RGS19: variants seen among roughly 807,000 people sequenced by gnomAD.
RGS19 encodes the protein regulator of G protein signaling 19.
Under a neutral mutation model 22.0 loss-of-function variants are expected in RGS19, and 9 were observed. The observed-to-expected ratio is 0.41, with a 90% CI of 0.25 to 0.71. RGS19 has a LOEUF of 0.71. RGS19 is among the 30% of genes least tolerant of loss of function. RGS19 has a pLI of 0.32. For synonymous variants in RGS19, 130 were observed against 127.3 expected, an observed-to-expected ratio of 1.02 and a Z score of -0.14; for missense variants, 256 against 307.1, an observed-to-expected ratio of 0.83 and a Z score of 1.24.
Position 64,073,727 on chromosome 20 carries a change from C to G in RGS19, c.*126G>C. 1.2e-6 allele frequency: 1 copy of G among 815,298 alleles called. No individual in the cohort carries two copies. The highest frequency in any genetic ancestry group is 1.9e-6 in the Non-Finnish European group (1 of 528,306). 50.5% of individuals were successfully genotyped at this position (815,298 alleles called of 1,614,324 possible). Reference sequence around the variant, plus strand: ...ACAGCACTCCCCACTGGGTCTAGGACCGTCTCCGCGGGTGGGGACCCCAGC... The same window carrying G: ...ACAGCACTCCCCACTGGGTCTAGGAGCGTCTCCGCGGGTGGGGACCCCAGC... On this transcript the variant is annotated 3_prime_UTR_variant, in exon 6 of 6. Transcript: ENST00000395042.
chr20:64,073,849 C>T lies in RGS19; in HGVS notation c.*4G>A, dbSNP rs760804151. 8.9e-5 allele frequency: 143 copies of T among 1,601,670 alleles called. No homozygotes were observed. The highest frequency in any genetic ancestry group is 7.6e-4 in the Admixed American group (45 of 59,536). ...GCGGCGGGGTCTGTGCTGCTGGGGG[C>T]GGCCTAGGCCTCGGAGGAGGACTGT... On this transcript the variant is annotated 3_prime_UTR_variant, in exon 6 of 6. Transcript: ENST00000395042.
rs145585412 is a variant in RGS19, at chr20:64,073,976, G to A, written c.531C>T (p.Phe177=). ...TGTAGATCTGCAGCTGCGCGTCGTC[G>A]AACGTGTGTGCGGACGGCTCCTGCA... is the stretch of plus-strand genomic sequence containing the variant. ...KKMQEPSAHT[F]DDAQLQIYTL... The change falls in exon 6 of 6, where the codon TTC becomes TTT. Residue 177 remains phenylalanine (F), a synonymous_variant. Coordinates refer to ENST00000395042, the MANE Select transcript of RGS19 (RefSeq NM_005873.3). 3.0e-5 allele frequency: 47 copies of A among 1,553,106 alleles called. No individual in the cohort carries two copies. The highest frequency in any genetic ancestry group is 3.7e-5 in the Non-Finnish European group (42 of 1,147,634).
intron 3 of RGS19, 37 bp from the exon 4 acceptor site, chr20:64,074,578 A>G: frequency 6.6e-7 from 1 of 1,523,854 alleles, no homozygotes; most frequent in South Asian, 1.2e-5. Context: ...CCGTGGGCAC[A>G]CACGCCTCCA....
intron 5 of RGS19, 48 bp downstream of exon 5, chr20:64,074,096 T>C: frequency 6.2e-7 from 1 of 1,602,912 alleles, no homozygotes; most frequent in Non-Finnish European, 8.5e-7. Context: ...CTTCCCCACC[T>C]AGTGCCTGGA....
At chr20:64,076,677 A>G in intron 2 of RGS19, 31 bp from the exon 3 acceptor site, 2 of 1,575,934 alleles carry the variant, frequency 1.3e-6, no homozygotes, top group East Asian at 2.3e-5. Context: ...CTCAGCTTTC[A>G]GGTCAGAACC....
chr20:64,076,875 CG>C lies in RGS19; in HGVS notation c.11del (p.Pro4ArgfsTer91). On this transcript the variant is annotated frameshift_variant, in exon 2 of 6. Coordinates refer to ENST00000395042, the MANE Select transcript of RGS19 (RefSeq NM_005873.3). LOFTEE classifies it high-confidence loss of function. Reference sequence around the variant, plus strand: ...GGCATACCTGCTTCTCAGCCTCATGCGGGGTGGGCATGGGTGGGCGGAGGAG... The same window carrying C: ...GGCATACCTGCTTCTCAGCCTCATGCGGGTGGGCATGGGTGGGCGGAGGAG... MPT[P>X]HEAEKQITGP... The C allele has an allele frequency of 6.5e-7, 1 of 1,537,886 alleles. No individual in the cohort carries two copies. The highest frequency in any genetic ancestry group is 2.2e-5 in the Admixed American group (1 of 44,624).
In RGS19 at chr20:64,076,878, G is replaced by C. The variant is rs201688772; in HGVS notation, c.9C>G (p.Thr3=). 1.3e-6 allele frequency: 2 copies of C among 1,537,688 alleles called. No homozygotes were observed. Among genetic ancestry groups the C allele is most frequent in the East Asian group, 4.7e-5 (2 of 42,410 alleles). Residue 3 remains threonine, a synonymous_variant, in exon 2 of 6, where the codon ACC becomes ACG. Transcript: ENST00000395042. The part of the protein sequence containing the change: MP[T]PHEAEKQITG... ...ATACCTGCTTCTCAGCCTCATGCGGGGTGGGCATGGGTGGGCGGAGGAGGT... is the reference window on the plus strand; with the variant it reads ...ATACCTGCTTCTCAGCCTCATGCGGCGTGGGCATGGGTGGGCGGAGGAGGT...
intron 3 of RGS19, 33 bp from the exon 4 acceptor site, chr20:64,074,574 GCA>G: frequency 1.3e-6 from 2 of 1,532,222 alleles, no homozygotes; most frequent in Non-Finnish European, 1.8e-6. Flanking sequence ...GCTGCCGTGG[GCA>G]CACACGCCTC....
In RGS19 at chr20:64,075,951, G is replaced by A. The variant is rs1238074338; in HGVS notation, c.152+574C>T. Among the ~76,000 whole-genome samples the A allele has an allele frequency of 4.0e-5, 6 of 151,496 alleles. No individual in the cohort carries two copies. Among genetic ancestry groups the A allele is most frequent in the African/African-American group, 9.7e-5 (4 of 41,154 alleles). ...GGCTGGAGTGCAATGACGCGATCTC[G>A]GCTCAACGCAACCTCCGCCTCCCAG... On this transcript the variant is annotated intron_variant, in intron 3 of 5. Transcript: ENST00000395042. The surrounding 1 kb of genome is among the most constrained non-coding windows in gnomAD (Gnocchi z 4.6).
chr20:64,077,011 C>T lies in RGS19; in HGVS notation c.-68-57G>A, dbSNP rs552388772. 11 of 928,288 alleles carry T rather than the reference C, an allele frequency of 1.2e-5. No homozygotes were observed. The Admixed American group carries it at 1.8e-4, about 15-fold the overall frequency. The allele number at this position is 928,288 out of a possible 1,614,324, so 57.5% of individuals were successfully genotyped here. ...ACCTGAAACCCCAGCCCCTGCCTACCCCTTAGGAGGGGTCCTGAGAGGGTG... is the reference window on the plus strand; with the variant it reads ...ACCTGAAACCCCAGCCCCTGCCTACTCCTTAGGAGGGGTCCTGAGAGGGTG... On this transcript the variant is annotated intron_variant, in intron 1 of 5. Transcript: ENST00000395042.
intron 3 of RGS19, among the ~76,000 whole-genome samples, chr20:64,074,916 ACCT>A (rs1337209908): frequency 1.3e-5 from 2 of 151,958 alleles, no homozygotes; most frequent in East Asian, 3.9e-4. Context: ...CCACTGGGCA[ACCT>A]CCTCCACCCA....
chr20:64,077,462 A>T lies in RGS19; in HGVS notation c.-68-508T>A, dbSNP rs371952735. On this transcript the variant is annotated intron_variant, in intron 1 of 5. Coordinates refer to ENST00000395042, the MANE Select transcript of RGS19 (RefSeq NM_005873.3). The stretch of plus-strand genomic sequence containing the variant: ...GCCAGGGGCAGCAGGCTAGACCTGC[A>T]GCAGTGAGGATTTAAGTGGGACTCA... 2.4e-3 allele frequency among the ~76,000 whole-genome samples: 370 copies of T among 152,132 alleles called. 17 individuals carry two copies. In the South Asian group the frequency reaches 0.062, roughly 25 times the overall value.
At chr20:64,077,014 T>TCC in intron 1 of RGS19, 60 bp from the exon 2 acceptor site, 1 of 884,802 alleles carries the variant, frequency 1.1e-6, no homozygotes, top group Non-Finnish European at 1.6e-6. Context: ...TGCCTACCCC[T>TCC]TAGGAGGGGT....
At chr20:64,074,092 C>T in intron 5 of RGS19, 48 bp from the exon 6 acceptor site, 1 of 1,603,182 alleles carries the variant, frequency 6.2e-7, no homozygotes, top group Non-Finnish European at 8.5e-7. Context: ...CTGCCTTCCC[C>T]ACCTAGTGCC....
rs1048967904 is a variant in RGS19, at chr20:64,079,218, A to C, written c.-69+76T>G. On this transcript the variant is annotated intron_variant, in intron 1 of 5. Coordinates refer to ENST00000395042, the MANE Select transcript of RGS19 (RefSeq NM_005873.3). This position sits in a 1 kb window ranked among gnomAD's most constrained non-coding sequence, Gnocchi z 5.1. ...CTGCTGTTAGGGTCCAGTCTGGAGA[A>C]GCCTGTGTTCTCCTCCAGGTGCCTC... is the stretch of plus-strand genomic sequence containing the variant. 2.6e-5 allele frequency: 4 copies of C among 152,278 alleles called. No homozygotes were observed. Among genetic ancestry groups the C allele is most frequent in the African/African-American group, 9.7e-5 (4 of 41,446 alleles). The allele number at this position is 152,278 out of a possible 1,614,324, so 9.4% of individuals were successfully genotyped here.
rs572617315 is a variant in RGS19 at position 64,075,752 on chromosome 20, C to T, written c.152+773G>A. Among the ~76,000 whole-genome samples, 7 of 152,340 alleles carry T rather than the reference C, an allele frequency of 4.6e-5. No homozygotes were observed. In the East Asian group the frequency reaches 1.2e-3, roughly 25 times the overall value. ...CCGCCACCGCCCCCTGCTCTTCTTC[C>T]CCCACGCATGCTGTCCGGGAAGCTC... On this transcript the variant is annotated intron_variant, in intron 3 of 5. Coordinates refer to ENST00000395042, the MANE Select transcript of RGS19 (RefSeq NM_005873.3). This position sits in a 1 kb window ranked among gnomAD's most constrained non-coding sequence, Gnocchi z 4.6.
intron 3 of RGS19, among the ~76,000 whole-genome samples, chr20:64,074,874 C>T (rs557541508): frequency 2.0e-5 from 3 of 152,330 alleles, no homozygotes; most frequent in African/African-American, 4.8e-5. Context: ...AGGGGCCCTT[C>T]GGCTCCTGGT....
chr20:64,077,135 T>G (rs1291846856), intron 1 of RGS19, 181 bp from the exon 2 acceptor site: 1 of 418,422 alleles, frequency 2.4e-6, no homozygotes, highest in Non-Finnish European at 4.2e-6. Context: ...GGGTCCAGGA[T>G]CATTGAGGAG....
rs1350314127 is a variant in RGS19, at chr20:64,075,511, C to T, written c.153-970G>A. The stretch of plus-strand genomic sequence containing the variant: ...CCTGGGCTCCTCCCACCCCCTTTCC[C>T]GACTGCCCCCTGGCCACCCCCAGCT... On this transcript the variant is annotated intron_variant, in intron 3 of 5. Coordinates refer to ENST00000395042, the MANE Select transcript of RGS19 (RefSeq NM_005873.3). The surrounding 1 kb of genome is among the most constrained non-coding windows in gnomAD (Gnocchi z 4.6). Among the ~76,000 whole-genome samples, 3 of 152,144 alleles carry T rather than the reference C, an allele frequency of 2.0e-5. No homozygotes were observed. The highest frequency in any genetic ancestry group is 4.8e-5 in the African/African-American group (2 of 41,430).
Sources: gnomAD v4.1 joint callset for allele counts (sites outside exome capture counted in the v4.1 genomes callset) on GRCh38, gnomAD v4.1.1 for gene constraint, Gnocchi (gnomAD v3.1) non-coding constraint, MANE v1.5 for transcripts, NCBI Gene and HGNC (gene_info 2026-07-23, HGNC 2026-07-21) for gene names.